The following EPHA6 variants were observed in gnomAD, a reference collection of about 807,000 sequenced individuals.
The protein encoded by EPHA6 is EPH receptor A6.
In EPHA6, 50 loss-of-function variants were observed where a neutral mutation model predicts 112.0. The ratio of observed to expected loss-of-function variants is 0.45; its 90% CI spans 0.36 to 0.56. The LOEUF is 0.56. EPHA6 is among the 20% of genes least tolerant of loss of function. The pLI, the probability that EPHA6 is intolerant of heterozygous loss-of-function variation, is 0.00. For synonymous variants in EPHA6, 529 were observed against 490.7 expected (o/e 1.08, Z -1.03); for missense variants, 1,280 against 1,417.4 (o/e 0.90, Z 1.56).
At chr3:97,360,469 A>G (rs529857978) in intron 5 of EPHA6, among the ~76,000 whole-genome samples, 16 of 152,174 alleles carry the variant, frequency 1.1e-4, no homozygotes, top group Non-Finnish European at 1.8e-4. Context: ...TAATTTTAAA[A>G]TTTATTCAAA....
At chr3:96,935,555 T>C (rs2040534905) in intron 2 of EPHA6, among the ~76,000 whole-genome samples, 1 of 149,772 alleles carries the variant, frequency 6.7e-6, no homozygotes, top group Non-Finnish European at 1.5e-5. Flanking sequence ...TTTTTGAAAA[T>C]ATAATATATA....
In EPHA6 at chr3:97,168,222, A is replaced by C. The variant is rs150219248; in HGVS notation, c.1115-58042A>C. Among the ~76,000 whole-genome samples, 638 of 152,310 alleles carry C rather than the reference A, an allele frequency of 4.2e-3. 1 individual carries two copies. The highest frequency in any genetic ancestry group is 0.014 in the African/African-American group (599 of 41,568). On this transcript the variant is annotated intron_variant, in intron 3 of 17. Transcript: ENST00000389672. ...CTGTGACTGAAAATGTTATTTGTAA[A>C]TTCTGACACCTGCTTTTTCATTCTC... is the stretch of plus-strand genomic sequence containing the variant.
chr3:97,215,333 G>T (rs1288057512), intron 3 of EPHA6, among the ~76,000 whole-genome samples: 1 of 152,152 alleles, frequency 6.6e-6, no homozygotes, highest in Non-Finnish European at 1.5e-5. Context: ...TTGTGTGTGT[G>T]TGTATGTGAC....
intron 3 of EPHA6, among the ~76,000 whole-genome samples, chr3:97,178,507 T>C (rs2076898202): frequency 6.6e-6 from 1 of 152,102 alleles, no homozygotes; most frequent in African/African-American, 2.4e-5. Context: ...ATTGCAGTGC[T>C]CCCTTTAGCA....
intron 3 of EPHA6, among the ~76,000 whole-genome samples, chr3:97,175,867 T>G (rs1241751674): frequency 6.6e-6 from 1 of 151,866 alleles, no homozygotes; most frequent in Non-Finnish European, 1.5e-5. Flanking sequence ...ATTTAATTTC[T>G]TTATTTTCAC....
At chr3:97,293,082 C>T (rs1576862962) in intron 5 of EPHA6, among the ~76,000 whole-genome samples, 1 of 151,932 alleles carries the variant, frequency 6.6e-6, no homozygotes, top group East Asian at 2.0e-4. Flanking sequence ...TTTTCACAGG[C>T]AGGGCATGCC....
rs141798492 is a variant in EPHA6 at position 97,163,025 on chromosome 3, C to A, written c.1115-63239C>A. On this transcript the variant is annotated intron_variant, in intron 3 of 17. Coordinates refer to ENST00000389672, the MANE Select transcript of EPHA6 (RefSeq NM_001080448.3). ...GCCCTGGAACTGATTACTTCCATTGCATTCAGGTTTCCTAATTCAGTAGCC... is the reference window on the plus strand; with the variant it reads ...GCCCTGGAACTGATTACTTCCATTGAATTCAGGTTTCCTAATTCAGTAGCC... Among the ~76,000 whole-genome samples, 745 of 152,224 alleles carry A rather than the reference C, an allele frequency of 4.9e-3. 6 individuals are homozygous for A. Among genetic ancestry groups the A allele is most frequent in the African/African-American group, 0.016 (657 of 41,548 alleles).
At chr3:97,620,634 C>A (rs572587381) in intron 13 of EPHA6, among the ~76,000 whole-genome samples, 31 of 152,008 alleles carry the variant, frequency 2.0e-4, no homozygotes, top group African/African-American at 7.5e-4. Flanking sequence ...TAAAAGGAGA[C>A]ATACATGTGG....
At chr3:97,493,490 C>G (rs1247560008) in intron 10 of EPHA6, among the ~76,000 whole-genome samples, 1 of 152,118 alleles carries the variant, frequency 6.6e-6, no homozygotes, top group Non-Finnish European at 1.5e-5. Context: ...AGATCACAGT[C>G]TTTATCAGAT....
intron 3 of EPHA6, among the ~76,000 whole-genome samples, chr3:97,066,694 G>C (rs940742222): frequency 2.0e-5 from 3 of 152,176 alleles, no homozygotes. Flanking sequence ...ACAGTAAACA[G>C]TCGGCTATTT....
chr3:96,832,528 A>G (rs189192281), intron 1 of EPHA6, among the ~76,000 whole-genome samples: 5 of 152,064 alleles, frequency 3.3e-5, no homozygotes, highest in African/African-American at 1.2e-4. Context: ...CTTTTAGCAA[A>G]TGGCTTATGC....
intron 2 of EPHA6, among the ~76,000 whole-genome samples, chr3:96,904,394 G>A (rs1346289088): frequency 1.4e-5 from 2 of 146,902 alleles, no homozygotes; most frequent in Non-Finnish European, 3.0e-5. Flanking sequence ...ACTCATAGGT[G>A]GGAATTGAAC....
chr3:96,903,428 A>G (rs1482033156), intron 2 of EPHA6, among the ~76,000 whole-genome samples: 3 of 152,140 alleles, frequency 2.0e-5, no homozygotes, highest in Non-Finnish European at 4.4e-5. Context: ...AAAATGTGTA[A>G]TTTTTATATT....
intron 3 of EPHA6, among the ~76,000 whole-genome samples, chr3:97,162,503 T>G (rs771004884): frequency 4.6e-5 from 7 of 152,130 alleles, no homozygotes; most frequent in Non-Finnish European, 1.0e-4. Flanking sequence ...AAGCCCCTAC[T>G]CTAACTGGTA....
intron 3 of EPHA6, among the ~76,000 whole-genome samples, chr3:97,208,722 G>C (rs748012455): frequency 6.6e-6 from 1 of 151,838 alleles, no homozygotes; most frequent in African/African-American, 2.4e-5. Context: ...ACTCCAGCCT[G>C]GGTGACAGAG....
intron 15 of EPHA6, among the ~76,000 whole-genome samples, chr3:97,729,570 C>A (rs1381691816): frequency 1.3e-5 from 2 of 152,086 alleles, no homozygotes; most frequent in African/African-American, 4.8e-5. Context: ...CTGGGTTCCT[C>A]CCACGACATG....
intron 3 of EPHA6, among the ~76,000 whole-genome samples, chr3:97,189,614 T>C (rs536637612): frequency 6.6e-6 from 1 of 152,236 alleles, no homozygotes; most frequent in East Asian, 1.9e-4. Flanking sequence ...AGAAATGTCC[T>C]CTATCTCTTC....
chr3:97,312,242 T>A (rs1576919849), intron 5 of EPHA6, among the ~76,000 whole-genome samples: 1 of 151,708 alleles, frequency 6.6e-6, no homozygotes, highest in South Asian at 2.1e-4. Flanking sequence ...TGGGTATATA[T>A]CTTCCTTTCT....
chr3:97,556,346 T>C (rs974429617), intron 11 of EPHA6, among the ~76,000 whole-genome samples: 2 of 152,034 alleles, frequency 1.3e-5, no homozygotes, highest in African/African-American at 4.8e-5. Context: ...TGCTAATAAA[T>C]ACATACCTGA....
Sources: gnomAD v4.1 joint callset for allele counts (sites outside exome capture counted in the v4.1 genomes callset) on GRCh38, gnomAD v4.1.1 for gene constraint, MANE v1.5 for transcripts, NCBI Gene and HGNC (gene_info 2026-07-23, HGNC 2026-07-21) for gene names.